The following NAALADL2 variants were observed in gnomAD, a reference collection of about 807,000 sequenced individuals.
NAALADL2 encodes the protein inactive N-acetylated-alpha-linked acidic dipeptidase-like protein 2.
NAALADL2 carries 76 observed loss-of-function variants against 87.2 expected under a neutral mutation model. That is an observed-to-expected ratio of 0.87 (90% confidence interval 0.72 to 1.05). The LOEUF is 1.05. NAALADL2 is among the 50% of genes least tolerant of loss of function. NAALADL2 has a pLI of 0.00. For missense variants in NAALADL2, 1,089 were observed against 945.8 expected (o/e 1.15, Z -1.99); for synonymous variants, 354 against 331.0 (o/e 1.07, Z -0.75).
chr3:175,667,181 G>GAGAAAGAAAGAAAGAAAGAA (rs201860926), intron 11 of NAALADL2, among the ~76,000 whole-genome samples: 1 of 95,236 alleles, frequency 1.1e-5, no homozygotes, highest in Non-Finnish European at 2.1e-5. Context: ...AAGAAAGAAA[G>GAGAAAGAAAGAAAGAAAGAA]AGAAAGAAAG....
At chr3:175,714,107 C>T (rs1321633234) in intron 11 of NAALADL2, among the ~76,000 whole-genome samples, 1 of 152,136 alleles carries the variant, frequency 6.6e-6, no homozygotes, top group Non-Finnish European at 1.5e-5. Context: ...ATATGTGCCA[C>T]ATTTTCTTTA....
chr3:175,255,795 G>A (rs781005568), intron 3 of NAALADL2, among the ~76,000 whole-genome samples: 128 of 152,262 alleles, frequency 8.4e-4, no homozygotes, highest in Middle Eastern at 6.8e-3. Flanking sequence ...GGTGAGTAGT[G>A]GGAAATGTGA....
At chr3:174,892,880 C>A (rs1731026502) in intron 1 of NAALADL2, among the ~76,000 whole-genome samples, 1 of 148,156 alleles carries the variant, frequency 6.7e-6, no homozygotes, top group African/African-American at 2.5e-5. Context: ...CAAGATCACA[C>A]CACTGCACTC....
intron 1 of NAALADL2, among the ~76,000 whole-genome samples, chr3:174,882,562 T>C (rs1174109325): frequency 2.0e-5 from 3 of 150,188 alleles, no homozygotes; most frequent in South Asian, 2.1e-4. Flanking sequence ...CATATGTGTA[T>C]ATATACATAT....
chr3:175,108,400 C>A (rs1366902970), intron 2 of NAALADL2, among the ~76,000 whole-genome samples: 2 of 151,946 alleles, frequency 1.3e-5, no homozygotes, highest in Non-Finnish European at 2.9e-5. Flanking sequence ...AAATCTAATT[C>A]TCATAGAACA....
At chr3:175,338,594 CAAAAAAAAAAA>C (rs59687897) in intron 5 of NAALADL2, among the ~76,000 whole-genome samples, 2 of 41,982 alleles carry the variant, frequency 4.8e-5, no homozygotes, top group Non-Finnish European at 9.4e-5. Flanking sequence ...ATACAAAAAC[CAAAAAAAAAAA>C]AAAAAAAAAC....
intron 11 of NAALADL2, among the ~76,000 whole-genome samples, chr3:175,719,382 T>TAA (rs5854652): frequency 1.8e-4 from 26 of 145,418 alleles, no homozygotes; most frequent in Middle Eastern, 3.5e-3. Flanking sequence ...TAAAGTATAA[T>TAA]AAAAAAAAAA....
intron 5 of NAALADL2, among the ~76,000 whole-genome samples, chr3:175,344,388 C>T (rs919164896): frequency 6.6e-6 from 1 of 151,118 alleles, no homozygotes; most frequent in Non-Finnish European, 1.5e-5. Context: ...CACTACTTCT[C>T]CTTCTGGTTT....
chr3:174,879,611 A>G (rs1728934351), intron 1 of NAALADL2, among the ~76,000 whole-genome samples: 1 of 152,098 alleles, frequency 6.6e-6, no homozygotes, highest in Non-Finnish European at 1.5e-5. Flanking sequence ...TTGTGTAAGT[A>G]CTTGCTTCAA....
chr3:174,965,991 T>A (rs1742805740), intron 1 of NAALADL2, among the ~76,000 whole-genome samples: 1 of 152,168 alleles, frequency 6.6e-6, no homozygotes. Context: ...TAGGATTGTC[T>A]GGCTTTTGTG....
At chr3:174,449,758 G>A (rs1715341757) in intron 1 of NAALADL2, among the ~76,000 whole-genome samples, 2 of 152,220 alleles carry the variant, frequency 1.3e-5, no homozygotes, top group African/African-American at 4.8e-5. Flanking sequence ...TGGAGATAAT[G>A]TTGAAATTTT....
At chr3:175,061,675 T>C (rs1713514674) in intron 1 of NAALADL2, among the ~76,000 whole-genome samples, 1 of 151,408 alleles carries the variant, frequency 6.6e-6, no homozygotes, top group African/African-American at 2.4e-5. Flanking sequence ...CCATTCATTT[T>C]CCAAATATAA....
intron 3 of NAALADL2, among the ~76,000 whole-genome samples, chr3:174,818,442 GA>G (rs1342370432): frequency 6.6e-6 from 1 of 151,914 alleles, no homozygotes; most frequent in Non-Finnish European, 1.5e-5. Flanking sequence ...GAATATTTTT[GA>G]AATCATATAT....
intron 9 of NAALADL2, among the ~76,000 whole-genome samples, chr3:175,510,517 G>A (rs888967199): frequency 6.6e-6 from 1 of 152,096 alleles, no homozygotes; most frequent in African/African-American, 2.4e-5. Flanking sequence ...CCACCTGCTG[G>A]TTCAGTTGTA....
At chr3:174,984,181 A>G (rs1172367467) in intron 1 of NAALADL2, among the ~76,000 whole-genome samples, 1 of 152,238 alleles carries the variant, frequency 6.6e-6, no homozygotes, top group Non-Finnish European at 1.5e-5. Context: ...TACAAAATAT[A>G]AAAACATAAA....
intron 2 of NAALADL2, among the ~76,000 whole-genome samples, chr3:174,586,838 T>G (rs1022708626): frequency 1.9e-4 from 29 of 152,320 alleles, no homozygotes; most frequent in African/African-American, 6.7e-4. Context: ...CAGAGATTTT[T>G]TTTTTATTAT....
chr3:174,747,823 A>G (rs1003546771), intron 3 of NAALADL2, among the ~76,000 whole-genome samples: 2 of 152,060 alleles, frequency 1.3e-5, no homozygotes, highest in African/African-American at 4.8e-5. Flanking sequence ...TATAATCAAA[A>G]GAATATTAAA....
In NAALADL2 at chr3:175,135,293, G is replaced by A. The variant is rs752804264; in HGVS notation, c.545+38002G>A. 1.4e-4 allele frequency among the ~76,000 whole-genome samples: 22 copies of A among 152,190 alleles called. No homozygotes were observed. In the Middle Eastern group the frequency reaches 0.014, roughly 95 times the overall value. On this transcript the variant is annotated intron_variant, in intron 2 of 13. Transcript: ENST00000454872. ...TTTATTTCAAAATCATTTAATATAC[G>A]TGCCAAGAAAAGTGATAATTCATTG...
chr3:175,026,551 A>G (rs541863545), intron 1 of NAALADL2, among the ~76,000 whole-genome samples: 17 of 151,184 alleles, frequency 1.1e-4, no homozygotes, highest in South Asian at 2.1e-4. Context: ...ACTACTTGGG[A>G]GGCTGAGGCA....
Sources: allele counts gnomAD v4.1 joint callset (sites outside exome capture counted in the v4.1 genomes callset), GRCh38; gene constraint gnomAD v4.1.1; transcripts MANE v1.5; gene names NCBI Gene and HGNC (gene_info 2026-07-23, HGNC 2026-07-21).